The following C14orf180 variants were observed in gnomAD, a reference collection of about 807,000 sequenced individuals.
C14orf180 encodes nutritionally-regulated adipose and cardiac enriched protein homolog.
C14orf180 carries 13 observed loss-of-function variants against 13.9 expected under a neutral mutation model. The ratio of observed to expected loss-of-function variants is 0.94; its 90% CI spans 0.61 to 1.49. The LOEUF (loss-of-function observed/expected upper bound fraction) is 1.49, where lower values mean the gene tolerates loss of function less well. C14orf180 is among the 40% of genes most tolerant of loss of function. C14orf180 has a pLI of 0.00. For missense variants in C14orf180, 238 were observed against 232.0 expected, an observed-to-expected ratio of 1.03 and a Z score of -0.17; for synonymous variants, 113 against 106.3, an observed-to-expected ratio of 1.06 and a Z score of -0.39.
intron 1 of C14orf180, among the ~76,000 whole-genome samples, chr14:104,584,853 T>A (rs1886563812): frequency 6.6e-6 from 1 of 152,246 alleles, no homozygotes; most frequent in African/African-American, 2.4e-5. Flanking sequence ...AACAGGGCAC[T>A]CTGCTTGTCT....
In C14orf180 at chr14:104,586,520, G is replaced by GCGGGTGTGCA; in HGVS notation, c.91_100dup (p.Arg34ThrfsTer54). ...AGAATGAGGAGGCCGCGTGGGGCCC[G>GCGGGTGTGCA]CGGGTGTGCAGGGCAGAGAGGGTAA... On this transcript the variant is annotated frameshift_variant, in exon 2 of 5. Coordinates refer to ENST00000557649, the MANE Select transcript of C14orf180 (RefSeq NM_001008404.3). LOFTEE classifies it high-confidence loss of function. 1 of 1,545,070 alleles carries GCGGGTGTGCA rather than the reference G, an allele frequency of 6.5e-7. No individual in the cohort carries two copies. Among genetic ancestry groups the GCGGGTGTGCA allele is most frequent in the Non-Finnish European group, 8.7e-7 (1 of 1,144,860 alleles).
At chr14:104,580,377 C>T (rs754143621) in intron 1 of C14orf180, among the ~76,000 whole-genome samples, 1 of 152,206 alleles carries the variant, frequency 6.6e-6, no homozygotes, top group African/African-American at 2.4e-5. Context: ...GCAGGGAACA[C>T]GGCCACTTCA....
Position 104,586,546 on chromosome 14 carries a change from G to C in C14orf180, c.111+5G>C. 6.6e-7 allele frequency: 1 copy of C among 1,515,182 alleles called. No individual in the cohort carries two copies. The highest frequency in any genetic ancestry group is 8.9e-7 in the Non-Finnish European group (1 of 1,127,712). The allele number at this position is 1,515,182 out of a possible 1,614,324, so 93.9% of individuals were successfully genotyped here. On this transcript the variant is annotated splice_donor_5th_base_variant and intron_variant, in intron 2 of 4. Coordinates refer to ENST00000557649, the MANE Select transcript of C14orf180 (RefSeq NM_001008404.3). ...CGGGTGTGCAGGGCAGAGAGGGTAA[G>C]GCGGGCCGCTGGGACACAGCTTCTG...
In C14orf180 at chr14:104,588,756, C is replaced by G; in HGVS notation, c.456C>G (p.Thr152=). Residue 152 remains threonine (T), a synonymous_variant, in exon 5 of 5, where the codon ACC becomes ACG. Transcript: ENST00000557649. ...LVLHLRHVAL[T]CWRGLLRL is the part of the protein sequence containing the mutation. ...TGCACCTGCGGCACGTGGCCCTCAC[C>G]TGCTGGCGCGGCCTCCTGCGGCTCT... 1 of 1,534,290 alleles carries G rather than the reference C, an allele frequency of 6.5e-7. No homozygotes were observed. The highest frequency in any genetic ancestry group is 8.7e-7 in the Non-Finnish European group (1 of 1,146,296).
Position 104,588,651 on chromosome 14 carries a change from C to T in C14orf180, c.351C>T (p.Ala117=), listed in dbSNP as rs1394099577. The change falls in exon 5 of 5, where the codon GCC becomes GCT. Residue 117 remains alanine (A), a synonymous_variant. Transcript: ENST00000557649. ...QLCVCVLLVL[A]LGLYCGRAKP... ...GTGTGTGCGTCCTGCTCGTGCTGGC[C>T]CTGGGCCTATACTGCGGCCGGGCCA... 2 of 1,530,906 alleles carry T rather than the reference C, an allele frequency of 1.3e-6. No homozygotes were observed. Among genetic ancestry groups the T allele is most frequent in the African/African-American group, 1.4e-5 (1 of 72,882 alleles). The allele number at this position is 1,530,906 out of a possible 1,614,324, so 94.8% of individuals were successfully genotyped here. A position where few individuals can be genotyped will look rare whatever the true frequency, so the allele number is the denominator to read the frequency against.
chr14:104,587,687 G>C (rs564349827), intron 2 of C14orf180, 62 bp from the exon 3 acceptor site: 3 of 1,584,892 alleles, frequency 1.9e-6, no homozygotes, highest in African/African-American at 1.4e-5. Flanking sequence ...ACATGGCTCA[G>C]ACCTGGGTAC....
At chr14:104,585,856 C>T (rs1193670876) in intron 1 of C14orf180, among the ~76,000 whole-genome samples, 3 of 152,148 alleles carry the variant, frequency 2.0e-5, no homozygotes, top group South Asian at 4.2e-4. Flanking sequence ...GAGTGTGAGC[C>T]GTGCTGAGGG....
At chr14:104,586,587 C>G in intron 2 of C14orf180, 46 bp downstream of exon 2, 1 of 1,279,422 alleles carries the variant, frequency 7.8e-7, no homozygotes, top group Non-Finnish European at 1.1e-6. Flanking sequence ...TGGCCTTCCA[C>G]TGGGGGCTGG....
chr14:104,585,622 T>G (rs1886589825), intron 1 of C14orf180, among the ~76,000 whole-genome samples: 2 of 147,376 alleles, frequency 1.4e-5, no homozygotes, highest in Non-Finnish European at 3.0e-5. Flanking sequence ...GAGATAGAGG[T>G]AGAGAGATAG....
chr14:104,580,354 G>A (rs552474542), intron 1 of C14orf180, among the ~76,000 whole-genome samples: 160 of 152,350 alleles, frequency 1.1e-3, no homozygotes, highest in Middle Eastern at 3.4e-3. Flanking sequence ...AGGCCAGGCC[G>A]CCTCTGGGGG....
At position 104,588,918 on chromosome 14, in the gene C14orf180, TAGGAAA is replaced by T. The variant is rs1886746577; in HGVS notation, c.*139_*144del. ...AAGGGGCTGCTGCCTGAGGGCTAAC[TAGGAAA>T]AGGGGGACCCCGTGGCGTGAGATCG... is the stretch of plus-strand genomic sequence containing the variant. On this transcript the variant is annotated 3_prime_UTR_variant, in exon 5 of 5. Transcript: ENST00000557649. 1 of 1,447,798 alleles carries T rather than the reference TAGGAAA, an allele frequency of 6.9e-7. No individual in the cohort carries two copies. The highest frequency in any genetic ancestry group is 9.1e-7 in the Non-Finnish European group (1 of 1,101,582). The allele number at this position is 1,447,798 out of a possible 1,614,324, so 89.7% of individuals were successfully genotyped here.
chr14:104,587,376 T>C (rs976162221), intron 2 of C14orf180, among the ~76,000 whole-genome samples: 5 of 152,192 alleles, frequency 3.3e-5, no homozygotes. Flanking sequence ...TTGCAAACTC[T>C]GGCCCCTTAG....
chr14:104,587,981 T>G, intron 3 of C14orf180, 103 bp downstream of exon 3: 1 of 1,409,828 alleles, frequency 7.1e-7, no homozygotes, highest in Non-Finnish European at 9.5e-7. Context: ...GCCCAGGACA[T>G]GGGGGGGCCG....
intron 3 of C14orf180, 82 bp from the exon 4 acceptor site, chr14:104,588,192 G>A: frequency 6.5e-7 from 1 of 1,541,322 alleles, no homozygotes. Context: ...GTCCTTCGGG[G>A]GTGCAGGGTG....
At chr14:104,584,427 C>T (rs1309571878) in intron 1 of C14orf180, among the ~76,000 whole-genome samples, 4 of 152,182 alleles carry the variant, frequency 2.6e-5, no homozygotes, top group African/African-American at 4.8e-5. Flanking sequence ...AGCAGAGTTT[C>T]TATCCCACCC....
Position 104,588,931 on chromosome 14 carries a change from A to C in C14orf180, c.*148A>C. On this transcript the variant is annotated 3_prime_UTR_variant, in exon 5 of 5. Coordinates refer to ENST00000557649, the MANE Select transcript of C14orf180 (RefSeq NM_001008404.3). ...CTGAGGGCTAACTAGGAAAAGGGGG[A>C]CCCCGTGGCGTGAGATCGGACATGG... 7.0e-7 allele frequency: 1 copy of C among 1,428,710 alleles called. No homozygotes were observed. The allele number at this position is 1,428,710 out of a possible 1,614,324, so 88.5% of individuals were successfully genotyped here. A position where few individuals can be genotyped will look rare whatever the true frequency, so the allele number is the denominator to read the frequency against.
At chr14:104,585,164 G>C (rs73361811) in intron 1 of C14orf180, among the ~76,000 whole-genome samples, 1,616 of 152,358 alleles carry the variant, frequency 0.011, 26 homozygotes, top group African/African-American at 0.034. Flanking sequence ...GTGAGGGGCA[G>C]GGGCGGCAGT....
rs761345073 is a variant in C14orf180, at chr14:104,587,765, GC to G, written c.135del (p.Ser46ProfsTer3). 30 of 1,612,480 alleles carry G rather than the reference GC, an allele frequency of 1.9e-5. No individual in the cohort carries two copies. In the Middle Eastern group the frequency reaches 8.3e-4, roughly 44 times the overall value. ...CRAEREDNRKCPPSILKRSRP... is the reference protein window; with the variant it reads ...CRAEREDNRKXPPSILKRSRP... The stretch of plus-strand genomic sequence containing the variant: ...CCACACCAGGAGGACAACAGGAAGT[GC>G]CCCCCCTCCATCCTGAAACGGAGCC... On this transcript the variant is annotated frameshift_variant, in exon 3 of 5. Transcript: ENST00000557649. LOFTEE classifies it high-confidence loss of function.
At chr14:104,580,200 T>C (rs1886391070) in intron 1 of C14orf180, among the ~76,000 whole-genome samples, 197 bp downstream of exon 1, 1 of 151,948 alleles carries the variant, frequency 6.6e-6, no homozygotes, top group African/African-American at 2.4e-5. Flanking sequence ...GGGCAGCAGG[T>C]GTGGGCAGAG....
Sources: gnomAD v4.1 joint callset for allele counts (sites outside exome capture counted in the v4.1 genomes callset) on GRCh38, gnomAD v4.1.1 for gene constraint, MANE v1.5 for transcripts, NCBI Gene and HGNC (gene_info 2026-07-23, HGNC 2026-07-21) for gene names.